Variants in IGF2BP2 observed in about 807,000 individuals in gnomAD.
IGF2BP2 encodes insulin like growth factor 2 mRNA binding protein 2.
Under a neutral mutation model 75.8 loss-of-function variants are expected in IGF2BP2, and 17 were observed. The observed-to-expected ratio is 0.22, with a 90% CI of 0.15 to 0.34. The LOEUF is 0.34. Among genes scored for constraint, IGF2BP2 ranks in the 10% least tolerant of loss-of-function variants. The probability of loss-of-function intolerance (pLI) is 1.00; values close to 1 mark genes in which losing one functional copy is unlikely to be tolerated. For missense variants in IGF2BP2, 516 were observed against 772.4 expected (o/e 0.67, Z 3.93); for synonymous variants, 288 against 295.6 (o/e 0.97, Z 0.26).
rs151111656 is a variant in IGF2BP2, at chr3:185,658,353, C to T, written c.1257G>A (p.Pro419=). The T allele has an allele frequency of 3.8e-5, 62 of 1,613,602 alleles. No individual in the cohort carries two copies. Among genetic ancestry groups the T allele is most frequent in the East Asian group, 6.7e-5 (3 of 44,868 alleles). ...AGGGGGCACTTACAGAGTGATGATG[C>T]GGGAACGGGCCAAACTGGTGATGGG... The part of the protein sequence containing the change: ...LYPHHQFGPF[P]HHHSYPEQEI... Residue 419 remains proline, a synonymous_variant, in exon 11 of 16, where the codon CCG becomes CCA. Transcript: ENST00000382199.
intron 10 of IGF2BP2, 91 bp from the exon 11 acceptor site, chr3:185,658,500 C>T: frequency 9.6e-7 from 1 of 1,040,032 alleles, no homozygotes; most frequent in Non-Finnish European, 1.5e-6. Flanking sequence ...GCGACACAGG[C>T]TCTCTGTGGC....
At chr3:185,816,243 G>A (rs920133238) in intron 2 of IGF2BP2, among the ~76,000 whole-genome samples, 2 of 151,992 alleles carry the variant, frequency 1.3e-5, no homozygotes, top group African/African-American at 4.8e-5. Flanking sequence ...GTTATGTCAG[G>A]AACACAACTG....
intron 2 of IGF2BP2, among the ~76,000 whole-genome samples, chr3:185,778,492 C>G (rs1734807215): frequency 6.6e-6 from 1 of 152,102 alleles, no homozygotes; most frequent in African/African-American, 2.4e-5. Flanking sequence ...CTGTATATTC[C>G]CTCTCAGGAT....
chr3:185,680,282 C>G (rs1720178332), intron 7 of IGF2BP2, among the ~76,000 whole-genome samples: 1 of 151,956 alleles, frequency 6.6e-6, no homozygotes, highest in African/African-American at 2.4e-5. Flanking sequence ...CTGATCAGAC[C>G]AATAATGAGA....
chr3:185,707,669 A>C (rs1246272951), intron 2 of IGF2BP2, among the ~76,000 whole-genome samples: 1 of 152,154 alleles, frequency 6.6e-6, no homozygotes, highest in African/African-American at 2.4e-5. Context: ...AAAAATCTAT[A>C]TAATTATTCC....
At chr3:185,664,522 GCT>G (rs755748784) in intron 10 of IGF2BP2, among the ~76,000 whole-genome samples, 5 of 152,190 alleles carry the variant, frequency 3.3e-5, no homozygotes, top group Non-Finnish European at 5.9e-5. Context: ...AGAAGGGAGA[GCT>G]TTTTACAAAA....
intron 2 of IGF2BP2, among the ~76,000 whole-genome samples, chr3:185,757,524 G>A (rs954035920): frequency 6.8e-6 from 1 of 147,886 alleles, no homozygotes; most frequent in Admixed American, 6.8e-5. Context: ...GAGTGCAGTG[G>A]CACGATCATG....
chr3:185,708,810 A>G (rs1338946377), intron 2 of IGF2BP2, among the ~76,000 whole-genome samples: 2 of 152,202 alleles, frequency 1.3e-5, no homozygotes, highest in Non-Finnish European at 2.9e-5. Context: ...CGTGTGCTTG[A>G]GTACAAACAT....
At chr3:185,779,764 T>TA (rs5855072) in intron 2 of IGF2BP2, among the ~76,000 whole-genome samples, 67,893 of 151,962 alleles carry the variant, frequency 0.45, 18,134 homozygotes, top group African/African-American at 0.77. Flanking sequence ...AAGCTTCTCC[T>TA]ATTGCCATTC....
chr3:185,813,269 T>C (rs972444890), intron 2 of IGF2BP2, among the ~76,000 whole-genome samples: 4 of 152,186 alleles, frequency 2.6e-5, no homozygotes, highest in African/African-American at 9.6e-5. Context: ...CAGCCAAAAA[T>C]TTTAAATATT....
At chr3:185,710,736 A>AT (rs1433257030) in intron 2 of IGF2BP2, among the ~76,000 whole-genome samples, 1 of 152,106 alleles carries the variant, frequency 6.6e-6, no homozygotes. Flanking sequence ...CAGTCTCAAA[A>AT]TAAAAAAAAA....
At chr3:185,811,861 TCTCTCTCTCTCTCTCTCCCC>T (rs1423396164) in intron 2 of IGF2BP2, among the ~76,000 whole-genome samples, 1 of 135,448 alleles carries the variant, frequency 7.4e-6, no homozygotes, top group African/African-American at 3.3e-5. Context: ...TCTCTCTCTC[TCTCTCTCTCTCTCTCTCCCC>T]CTCTCCCTGC....
At chr3:185,716,192 T>C (rs1361188775) in intron 2 of IGF2BP2, among the ~76,000 whole-genome samples, 2 of 152,062 alleles carry the variant, frequency 1.3e-5, no homozygotes, top group Non-Finnish European at 2.9e-5. Flanking sequence ...AGAACTTTTA[T>C]TTTTTTAGTA....
At chr3:185,768,671 C>T (rs1378213049) in intron 2 of IGF2BP2, among the ~76,000 whole-genome samples, 3 of 152,150 alleles carry the variant, frequency 2.0e-5, no homozygotes, top group Non-Finnish European at 4.4e-5. Flanking sequence ...ACAGCACTGC[C>T]CTCTAGTGGT....
intron 12 of IGF2BP2, among the ~76,000 whole-genome samples, chr3:185,653,563 A>G (rs1308157105): frequency 6.6e-6 from 1 of 151,980 alleles, no homozygotes; most frequent in Non-Finnish European, 1.5e-5. Flanking sequence ...GGAGGTTGCA[A>G]TGAGCCGAGA....
intron 2 of IGF2BP2, among the ~76,000 whole-genome samples, chr3:185,719,817 G>C (rs1726225663): frequency 6.6e-6 from 1 of 152,064 alleles, no homozygotes; most frequent in Non-Finnish European, 1.5e-5. Flanking sequence ...CTGGGTGACA[G>C]AGCGAGACTC....
chr3:185,664,494 G>C (rs568889040), intron 10 of IGF2BP2, among the ~76,000 whole-genome samples: 32 of 152,154 alleles, frequency 2.1e-4, no homozygotes, highest in Non-Finnish European at 3.5e-4. Flanking sequence ...CAAATGACCC[G>C]AGTGAATTAA....
At chr3:185,808,050 T>C (rs537510123) in intron 2 of IGF2BP2, among the ~76,000 whole-genome samples, 8 of 147,178 alleles carry the variant, frequency 5.4e-5, no homozygotes, top group South Asian at 2.1e-4. Context: ...AAGGCTGAGG[T>C]AGGAGAATAG....
chr3:185,687,024 G>C, intron 7 of IGF2BP2, 33 bp downstream of exon 7: 1 of 1,600,422 alleles, frequency 6.2e-7, no homozygotes, highest in South Asian at 1.1e-5. Flanking sequence ...CTTTTTCTCT[G>C]TTGAGTGATC....
Sources: allele counts gnomAD v4.1 joint callset (sites outside exome capture counted in the v4.1 genomes callset), GRCh38; gene constraint gnomAD v4.1.1; transcripts MANE v1.5; gene names NCBI Gene and HGNC (gene_info 2026-07-23, HGNC 2026-07-21).